RBFOX3: variants seen among roughly 807,000 people sequenced by gnomAD.
RBFOX3 encodes the protein RNA binding protein fox-1 homolog 3.
A neutral mutation model predicts 48.7 loss-of-function variants in RBFOX3; 17 were observed. That is an observed-to-expected ratio of 0.35 (90% CI 0.24 to 0.52). The LOEUF (loss-of-function observed/expected upper bound fraction) is 0.52. Ranked by LOEUF, RBFOX3 falls within the 20% of genes least tolerant of loss-of-function variation. The pLI is 0.94. For synonymous variants in RBFOX3, 212 were observed against 209.5 expected, an observed-to-expected ratio of 1.01 and a Z score of -0.10; for missense variants, 382 against 497.5, an observed-to-expected ratio of 0.77 and a Z score of 2.21.
rs997259596 is a variant in RBFOX3 at position 79,557,465 on chromosome 17, C to T, written c.-320+53361G>A. 8.4e-3 allele frequency among the ~76,000 whole-genome samples: 1,282 copies of T among 151,904 alleles called. 12 individuals carry two copies. Among genetic ancestry groups the T allele is most frequent in the Middle Eastern group, 0.024 (7 of 294 alleles). ...CAGCCAAGCCCCCATCCCACAGCTGCAGTCTCTGAGATGATGGAACATTTC... is the reference window on the plus strand; with the variant it reads ...CAGCCAAGCCCCCATCCCACAGCTGTAGTCTCTGAGATGATGGAACATTTC... On this transcript the variant is annotated intron_variant, in intron 1 of 14. Transcript: ENST00000693108.
chr17:79,513,781 C>T (rs2084857102), intron 1 of RBFOX3, among the ~76,000 whole-genome samples: 1 of 152,236 alleles, frequency 6.6e-6, no homozygotes, highest in African/African-American at 2.4e-5. Context: ...ACACAGCCTC[C>T]TGGGGCCAGC....
chr17:79,091,823 G>A (rs1007528459), intron 14 of RBFOX3: 8 of 456,508 alleles, frequency 1.8e-5, no homozygotes, highest in Admixed American at 6.4e-5. Flanking sequence ...CCTGAGGAGC[G>A]ACCAGGACGT....
intron 1 of RBFOX3, among the ~76,000 whole-genome samples, chr17:79,494,252 A>G (rs2081119129): frequency 6.6e-6 from 1 of 152,190 alleles, no homozygotes; most frequent in African/African-American, 2.4e-5. Context: ...TCCCCTCAGC[A>G]GTTCAGAGTC....
At chr17:79,586,454 A>G (rs2093252615) in intron 1 of RBFOX3, among the ~76,000 whole-genome samples, 1 of 152,228 alleles carries the variant, frequency 6.6e-6, no homozygotes, top group African/African-American at 2.4e-5. Context: ...CTCATGAGCA[A>G]GAACAACAAC....
In RBFOX3 at chr17:79,391,788, G is replaced by A. The variant is rs754087952; in HGVS notation, c.-174-83964C>T. On this transcript the variant is annotated intron_variant, in intron 2 of 14. Coordinates refer to ENST00000693108, the MANE Select transcript of RBFOX3 (RefSeq NM_001350451.2). This position sits in a 1 kb window ranked among gnomAD's most constrained non-coding sequence, Gnocchi z 5.0. ...AGACACCAGGACCACCAACATGCATGACAACGAGAACCAGTACGCATGTGT... is the reference window on the plus strand; with the variant it reads ...AGACACCAGGACCACCAACATGCATAACAACGAGAACCAGTACGCATGTGT... Among the ~76,000 whole-genome samples the A allele has an allele frequency of 9.2e-5, 14 of 152,080 alleles. No individual in the cohort carries two copies. The highest frequency in any genetic ancestry group is 2.1e-4 in the Non-Finnish European group (14 of 68,012).
At chr17:79,393,540 C>T (rs2061601635) in intron 2 of RBFOX3, among the ~76,000 whole-genome samples, 1 of 152,254 alleles carries the variant, frequency 6.6e-6, no homozygotes, top group Admixed American at 6.5e-5. Context: ...GGCAATAGCA[C>T]ACTGGATGCT....
chr17:79,647,905 A>G, the RBFOX3 span, among the ~76,000 whole-genome samples: 1 of 149,366 alleles, frequency 6.7e-6, no homozygotes, highest in African/African-American at 2.5e-5. Context: ...GACAGAGCCC[A>G]CCTGGGGGTG....
intron 3 of RBFOX3, among the ~76,000 whole-genome samples, chr17:79,256,076 G>T (rs1298630432): frequency 6.6e-6 from 1 of 151,896 alleles, no homozygotes; most frequent in East Asian, 2.0e-4. Flanking sequence ...GGACGGGAGG[G>T]GCTGACCTAG....
intron 1 of RBFOX3, among the ~76,000 whole-genome samples, chr17:79,557,777 G>A (rs961986948): frequency 6.6e-5 from 10 of 152,294 alleles, no homozygotes; most frequent in Admixed American, 1.3e-4. Flanking sequence ...GGGGCATCTC[G>A]TGGGAGGCCT....
chr17:79,385,311 C>T (rs367895999), intron 2 of RBFOX3, among the ~76,000 whole-genome samples: 4 of 152,180 alleles, frequency 2.6e-5, no homozygotes, highest in South Asian at 4.1e-4. Context: ...AACACCAGGC[C>T]CCATGTCCAC....
intron 2 of RBFOX3, among the ~76,000 whole-genome samples, chr17:79,455,596 C>T (rs563048123): frequency 2.6e-5 from 4 of 152,270 alleles, no homozygotes; most frequent in South Asian, 4.1e-4. Context: ...CACACACACA[C>T]GCACGCAGTC....
At chr17:79,419,512 T>G (rs1555720884) in intron 2 of RBFOX3, among the ~76,000 whole-genome samples, 1 of 152,184 alleles carries the variant, frequency 6.6e-6, no homozygotes, top group East Asian at 1.9e-4. Flanking sequence ...CACACACGTG[T>G]GCACAAAATT....
At chr17:79,267,706 T>C (rs1179263332) in intron 3 of RBFOX3, among the ~76,000 whole-genome samples, 3 of 152,124 alleles carry the variant, frequency 2.0e-5, no homozygotes, top group Admixed American at 6.6e-5. Context: ...TCACTCTCTA[T>C]GGAGGAAGAT....
intron 14 of RBFOX3, chr17:79,094,152 C>T (rs1874254733): frequency 2.5e-6 from 1 of 403,538 alleles, no homozygotes; most frequent in Non-Finnish European, 4.4e-6. Context: ...GGAGGGGCCT[C>T]AACGGGACTT....
intron 4 of RBFOX3, among the ~76,000 whole-genome samples, chr17:79,174,988 C>T (rs945107111): frequency 3.9e-5 from 6 of 152,238 alleles, no homozygotes; most frequent in Non-Finnish European, 7.3e-5. Flanking sequence ...GCCTCCTCTG[C>T]CCCTCTCCGA....
intron 1 of RBFOX3, among the ~76,000 whole-genome samples, chr17:79,524,330 G>A (rs913652090): frequency 6.6e-6 from 1 of 152,142 alleles, no homozygotes; most frequent in Non-Finnish European, 1.5e-5. Flanking sequence ...CATTCAAGCA[G>A]GCAAACAGCT....
chr17:79,493,180 C>T (rs2080951905), intron 1 of RBFOX3, among the ~76,000 whole-genome samples: 1 of 151,982 alleles, frequency 6.6e-6, no homozygotes, highest in African/African-American at 2.4e-5. Flanking sequence ...AGGCACCACA[C>T]TCTTTTAAAC....
intron 3 of RBFOX3, among the ~76,000 whole-genome samples, chr17:79,289,889 G>A (rs577218308): frequency 1.3e-5 from 2 of 152,138 alleles, no homozygotes; most frequent in Admixed American, 1.3e-4. Context: ...TAATAACACT[G>A]GGCTATAACT....
intron 3 of RBFOX3, among the ~76,000 whole-genome samples, chr17:79,302,525 C>CA (rs763476483): frequency 9.2e-5 from 14 of 152,072 alleles, no homozygotes; most frequent in East Asian, 1.9e-4. Context: ...ACTAAAAATA[C>CA]AAAAAATTAG....
Sources: gnomAD v4.1 joint callset for allele counts (sites outside exome capture counted in the v4.1 genomes callset) on GRCh38, gnomAD v4.1.1 for gene constraint, Gnocchi (gnomAD v3.1) non-coding constraint, MANE v1.5 for transcripts, NCBI Gene and HGNC (gene_info 2026-07-23, HGNC 2026-07-21) for gene names.